The following AZI2 variants were observed in gnomAD, a reference collection of about 807,000 sequenced individuals.
AZI2 encodes the protein 5-azacytidine induced 2.
A neutral mutation model predicts 45.8 loss-of-function variants in AZI2; 22 were observed. The observed-to-expected ratio is 0.48, with a 90% CI of 0.34 to 0.69. The LOEUF is 0.69. Ranked by LOEUF, AZI2 falls within the 30% of genes least tolerant of loss-of-function variation. The probability of loss-of-function intolerance (pLI) is 0.01; values close to 1 mark genes in which losing one functional copy is unlikely to be tolerated. For synonymous variants in AZI2, 137 were observed against 156.7 expected, an observed-to-expected ratio of 0.87 and a Z score of 0.94; for missense variants, 417 against 441.5, an observed-to-expected ratio of 0.94 and a Z score of 0.50.
At chr3:28,330,546 A>G (rs908615502) in intron 6 of AZI2, among the ~76,000 whole-genome samples, 5 of 151,402 alleles carry the variant, frequency 3.3e-5, no homozygotes, top group African/African-American at 1.2e-4. Context: ...CATAAACTGC[A>G]AACAGGCAGA....
intron 6 of AZI2, chr3:28,331,853 G>A: frequency 2.6e-6 from 4 of 1,546,804 alleles, no homozygotes; most frequent in Non-Finnish European, 3.5e-6. Context: ...TATGAACTCT[G>A]ATGGCTACTT....
Position 28,324,275 on chromosome 3 carries a change from G to T in AZI2, c.946C>A (p.Leu316Ile). The change falls in exon 8 of 8, where the codon CTC (leucine) becomes ATC (isoleucine). Residue 316 changes from leucine to isoleucine, a missense_variant. Leu to Ile is a conservative substitution (Grantham distance 5, BLOSUM62 2). Transcript: ENST00000479665. ...DVKVLSEKAI[L>I]QSWTDNERSI... The stretch of plus-strand genomic sequence containing the variant: ...CTCTCATTGTCTGTCCATGATTGGA[G>T]GATTGCTTTCTCTGATAAAACCTTT... The T allele has an allele frequency of 6.2e-7, 1 of 1,608,846 alleles. No individual in the cohort carries two copies. The highest frequency in any genetic ancestry group is 8.5e-7 in the Non-Finnish European group (1 of 1,176,450).
intron 7 of AZI2, chr3:28,325,076 G>A (rs1349334221): frequency 7.3e-6 from 1 of 137,788 alleles, no homozygotes; most frequent in African/African-American, 2.7e-5. Context: ...CTTGTTTCTT[G>A]TAAAACACAG....
chr3:28,340,860 T>G (rs1703989937), intron 1 of AZI2, among the ~76,000 whole-genome samples: 1 of 152,022 alleles, frequency 6.6e-6, no homozygotes, highest in Admixed American at 6.6e-5. Context: ...CATAGAGTCT[T>G]AAGAATATTA....
chr3:28,321,216 A>G lies in AZI2; in HGVS notation c.*2826T>C, dbSNP rs993629452. On this transcript the variant is annotated 3_prime_UTR_variant, in exon 8 of 8. Coordinates refer to ENST00000479665, the MANE Select transcript of AZI2 (RefSeq NM_022461.5). ...ACAGCATAGGGGCAAACATGCCCAT[A>G]TTTCCACATTGACCTTTGGTATTGG... is the stretch of plus-strand genomic sequence containing the variant. 2.6e-5 allele frequency: 4 copies of G among 151,462 alleles called. No homozygotes were observed. Among genetic ancestry groups the G allele is most frequent in the Non-Finnish European group, 5.9e-5 (4 of 67,582 alleles). The allele number at this position is 151,462 out of a possible 1,614,324, so 9.4% of individuals were successfully genotyped here.
At chr3:28,328,560 G>GT (rs762174594) in intron 6 of AZI2, among the ~76,000 whole-genome samples, 10 of 151,092 alleles carry the variant, frequency 6.6e-5, no homozygotes, top group Non-Finnish European at 1.5e-4. Flanking sequence ...AACAATTCTA[G>GT]TAACGTTTAC....
At chr3:28,332,450 A>G (rs1577127049) in intron 5 of AZI2, 23 bp from the exon 6 acceptor site, 1 of 1,588,228 alleles carries the variant, frequency 6.3e-7, no homozygotes, top group Non-Finnish European at 8.6e-7. Flanking sequence ...TAAAAAAAAG[A>G]AGTTTAAAAG....
intron 4 of AZI2, 62 bp downstream of exon 4, chr3:28,337,875 T>C: frequency 9.0e-7 from 1 of 1,112,986 alleles, no homozygotes; most frequent in African/African-American, 1.6e-5. Flanking sequence ...CTGTTGATAT[T>C]ACAAATAAAT....
Position 28,323,654 on chromosome 3 carries a change from CAT to C in AZI2, c.*386_*387del, listed in dbSNP as rs1295354590. The stretch of plus-strand genomic sequence containing the variant: ...TGTTCCATTATGCAATTTGAAGAAA[CAT>C]GTTTTCCTTTTATTTTTATGAACAG... On this transcript the variant is annotated 3_prime_UTR_variant, in exon 8 of 8. Coordinates refer to ENST00000479665, the MANE Select transcript of AZI2 (RefSeq NM_022461.5). 1 of 157,032 alleles carries C rather than the reference CAT, an allele frequency of 6.4e-6. No homozygotes were observed. Among genetic ancestry groups the C allele is most frequent in the African/African-American group, 2.4e-5 (1 of 41,464 alleles). The allele number at this position is 157,032 out of a possible 1,614,324, so 9.7% of individuals were successfully genotyped here.
In AZI2 at chr3:28,322,641, C is replaced by G. The variant is rs1023622102; in HGVS notation, c.*1401G>C. ...TCTTTTATGCATATTGGGTTTGGTT[C>G]TATTACTTGGCAGGAGATTGTACTC... On this transcript the variant is annotated 3_prime_UTR_variant, in exon 8 of 8. Transcript: ENST00000479665. 6.6e-6 allele frequency: 1 copy of G among 151,468 alleles called. No homozygotes were observed. The highest frequency in any genetic ancestry group is 1.5e-5 in the Non-Finnish European group (1 of 67,368). 9.4% of individuals were successfully genotyped at this position (151,468 alleles called of 1,614,324 possible). A position where few individuals can be genotyped will look rare whatever the true frequency, so the allele number is the denominator to read the frequency against.
rs1177011750 is a variant in AZI2, at chr3:28,340,528, T to C, written c.90A>G (p.Ser30=). 4 of 1,612,982 alleles carry C rather than the reference T, an allele frequency of 2.5e-6. No homozygotes were observed. The highest frequency in any genetic ancestry group is 3.4e-6 in the Non-Finnish European group (4 of 1,179,220). ...AATGGGAAGCAACAGATTCATCTCC[T>C]GAATATATTGAAACTGGAGTCACTG... ...RDTVTPVSIY[S]GDESVASHFA... The change falls in exon 2 of 8, where the codon TCA becomes TCG. Residue 30 remains serine, a synonymous_variant. Transcript: ENST00000479665.
chr3:28,344,210 A>T (rs1285870248), intron 1 of AZI2, among the ~76,000 whole-genome samples: 2 of 152,038 alleles, frequency 1.3e-5, no homozygotes, highest in African/African-American at 4.8e-5. Context: ...CTGTCATTTA[A>T]ATTTGTTATA....
In AZI2 at chr3:28,329,251, T is replaced by C. The variant is rs1190468183; in HGVS notation, c.648-2301A>G. Among the ~76,000 whole-genome samples, 72 of 151,156 alleles carry C rather than the reference T, an allele frequency of 4.8e-4. No homozygotes were observed. The Admixed American group carries it at 4.8e-3, about 10-fold the overall frequency. On this transcript the variant is annotated intron_variant, in intron 6 of 7. Coordinates refer to ENST00000479665, the MANE Select transcript of AZI2 (RefSeq NM_022461.5). ...CTTGGTAAAGTGAGTAACCTCATTT[T>C]ACACACGAGGAAATGGGTTGAGAAG...
At position 28,322,580 on chromosome 3, in the gene AZI2, G is replaced by A. The variant is rs926215122; in HGVS notation, c.*1462C>T. 1.3e-5 allele frequency: 2 copies of A among 151,500 alleles called. No individual in the cohort carries two copies. Among genetic ancestry groups the A allele is most frequent in the Non-Finnish European group, 1.5e-5 (1 of 67,386 alleles). The allele number at this position is 151,500 out of a possible 1,614,324, so 9.4% of individuals were successfully genotyped here. ...TTGCTGCTTTGTTATTACACAGGTA[G>A]TTGCTTCCTTCAGCTAAAGCCTGGA... On this transcript the variant is annotated 3_prime_UTR_variant, in exon 8 of 8. Transcript: ENST00000479665.
At chr3:28,333,469 T>TGATCA (rs1703664986) in intron 5 of AZI2, among the ~76,000 whole-genome samples, 1 of 151,772 alleles carries the variant, frequency 6.6e-6, no homozygotes, top group African/African-American at 2.4e-5. Context: ...TAATGGAATC[T>TGATCA]GATCAGATCA....
At chr3:28,342,715 A>G (rs1402968095) in intron 1 of AZI2, among the ~76,000 whole-genome samples, 4 of 19,016 alleles carry the variant, frequency 2.1e-4, no homozygotes, top group African/African-American at 4.7e-4. Context: ...ACACATGCAC[A>G]CACACACACA....
intron 2 of AZI2, among the ~76,000 whole-genome samples, chr3:28,339,982 A>G (rs1249004660): frequency 6.6e-6 from 1 of 152,140 alleles, no homozygotes; most frequent in Non-Finnish European, 1.5e-5. Context: ...AAGAGAAAGA[A>G]TGTTGAAGTA....
intron 1 of AZI2, among the ~76,000 whole-genome samples, chr3:28,346,781 T>C (rs1319366630): frequency 6.6e-6 from 1 of 152,170 alleles, no homozygotes; most frequent in Non-Finnish European, 1.5e-5. Context: ...TAAAATAGCC[T>C]AACTAGTTTA....
At chr3:28,333,693 T>C (rs1703675407) in intron 5 of AZI2, among the ~76,000 whole-genome samples, 1 of 151,592 alleles carries the variant, frequency 6.6e-6, no homozygotes, top group African/African-American at 2.4e-5. Context: ...GTATCTAGTA[T>C]TCAAAGACCC....
Sources: allele counts gnomAD v4.1 joint callset (sites outside exome capture counted in the v4.1 genomes callset), GRCh38; gene constraint gnomAD v4.1.1; transcripts MANE v1.5; gene names NCBI Gene and HGNC (gene_info 2026-07-23, HGNC 2026-07-21).